Variants in SNX2 observed in about 807,000 individuals in gnomAD.
SNX2 encodes the protein sorting nexin-2.
SNX2 carries 25 observed loss-of-function variants against 69.9 expected under a neutral mutation model. The ratio of observed to expected loss-of-function variants is 0.36; its 90% CI spans 0.26 to 0.50. SNX2 has a LOEUF of 0.50. Ranked by LOEUF, SNX2 falls within the 20% of genes least tolerant of loss-of-function variation. The probability of loss-of-function intolerance (pLI) is 0.97; values close to 1 mark genes in which losing one functional copy is unlikely to be tolerated. For missense variants in SNX2, 551 were observed against 613.3 expected, an observed-to-expected ratio of 0.90 and a Z score of 1.07; for synonymous variants, 229 against 200.4, an observed-to-expected ratio of 1.14 and a Z score of -1.20.
chr5:122,808,387 C>G (rs779663326), intron 7 of SNX2, 32 bp downstream of exon 7: 3 of 1,387,296 alleles, frequency 2.2e-6, no homozygotes, highest in Non-Finnish European at 3.0e-6. Context: ...TTATTACTCT[C>G]ATGTTTGTAC....
At chr5:122,792,486 A>G (rs988004441) in intron 1 of SNX2, among the ~76,000 whole-genome samples, 4 of 152,038 alleles carry the variant, frequency 2.6e-5, no homozygotes, top group Admixed American at 1.3e-4. Context: ...GGTCCCGGCT[A>G]CTTGGGAGGC....
At chr5:122,776,399 T>C (rs1752857795) in intron 1 of SNX2, among the ~76,000 whole-genome samples, 1 of 152,086 alleles carries the variant, frequency 6.6e-6, no homozygotes. Context: ...CTGATCATCT[T>C]TGTGTCTCTC....
chr5:122,778,021 C>G (rs1320768120), intron 1 of SNX2, among the ~76,000 whole-genome samples: 1 of 152,220 alleles, frequency 6.6e-6, no homozygotes, highest in Non-Finnish European at 1.5e-5. Context: ...CTACTTTCTA[C>G]TTCTGTTAGA....
chr5:122,827,757 G>A, intron 14 of SNX2, 111 bp downstream of exon 14: 1 of 740,382 alleles, frequency 1.4e-6, no homozygotes, highest in East Asian at 2.7e-5. Context: ...AATAAGAAAT[G>A]GAAGACAGAA....
At chr5:122,817,758 T>A (rs1185130220) in intron 10 of SNX2, among the ~76,000 whole-genome samples, 1 of 152,090 alleles carries the variant, frequency 6.6e-6, no homozygotes, top group African/African-American at 2.4e-5. Context: ...ATAAAAAAAC[T>A]TGAGATTTGA....
chr5:122,784,629 A>G (rs1054939577), intron 1 of SNX2, among the ~76,000 whole-genome samples: 3 of 152,036 alleles, frequency 2.0e-5, no homozygotes, highest in South Asian at 2.1e-4. Context: ...TCCTTTTTAT[A>G]TATTGCTGGA....
intron 6 of SNX2, among the ~76,000 whole-genome samples, chr5:122,806,738 T>C (rs1036163238): frequency 6.6e-6 from 1 of 152,038 alleles, no homozygotes; most frequent in African/African-American, 2.4e-5. Flanking sequence ...TTCAGGGAAA[T>C]AGAGTTTGTG....
chr5:122,819,726 A>G (rs967381772), intron 11 of SNX2, among the ~76,000 whole-genome samples: 1 of 152,214 alleles, frequency 6.6e-6, no homozygotes, highest in Non-Finnish European at 1.5e-5. Context: ...ATTAGTTATC[A>G]TGGGGTTTGA....
intron 1 of SNX2, among the ~76,000 whole-genome samples, chr5:122,776,713 G>A (rs2149998617): frequency 6.6e-6 from 1 of 152,258 alleles, no homozygotes; most frequent in East Asian, 1.9e-4. Flanking sequence ...TTTTCTACCA[G>A]CGAGAATCAG....
At chr5:122,775,310 G>T (rs2276988) in intron 1 of SNX2, 99 bp downstream of exon 1, 178,716 of 1,456,152 alleles carry the variant, frequency 0.12, 12,949 homozygotes, top group East Asian at 0.35. Context: ...GTGTTTGCAA[G>T]GACCGTCTTG....
At chr5:122,809,991 C>G (rs907497400) in intron 7 of SNX2, among the ~76,000 whole-genome samples, 5 of 151,930 alleles carry the variant, frequency 3.3e-5, no homozygotes, top group African/African-American at 1.2e-4. Flanking sequence ...AAAGGTAAAT[C>G]GGATGGTTGC....
In SNX2 at chr5:122,775,199, C is replaced by T. The variant is rs1174214463; in HGVS notation, c.96C>T (p.Val32=). Residue 32 remains valine (V), a synonymous_variant, in exon 1 of 15, where the codon GTC becomes GTT. Coordinates refer to ENST00000379516, the MANE Select transcript of SNX2 (RefSeq NM_003100.4). ...GAGAGGACCTGTTCACCAGCACTGTCTCCACCCTAGAGGTGAGACCGCGTC... is the reference window on the plus strand; with the variant it reads ...GAGAGGACCTGTTCACCAGCACTGTTTCCACCCTAGAGGTGAGACCGCGTC... The part of the protein sequence containing the change: ...EDGEDLFTST[V]STLESSPSSP... 1.3e-6 allele frequency: 2 copies of T among 1,580,108 alleles called. No homozygotes were observed. The highest frequency in any genetic ancestry group is 1.2e-5 in the South Asian group (1 of 85,776).
intron 5 of SNX2, among the ~76,000 whole-genome samples, chr5:122,802,988 A>G (rs943961538): frequency 1.3e-5 from 2 of 152,192 alleles, no homozygotes; most frequent in African/African-American, 4.8e-5. Flanking sequence ...TTGTTAATTC[A>G]TTGGATAAAT....
At chr5:122,775,852 T>G (rs1215504306) in intron 1 of SNX2, 3 of 902,296 alleles carry the variant, frequency 3.3e-6, no homozygotes, top group Non-Finnish European at 4.0e-6. Context: ...GAAGGCAGGA[T>G]TAGTCCAGGA....
Position 122,799,853 on chromosome 5 carries a change from G to C in SNX2, c.388G>C (p.Glu130Gln). 1 of 1,607,742 alleles carries C rather than the reference G, an allele frequency of 6.2e-7. No individual in the cohort carries two copies. The highest frequency in any genetic ancestry group is 8.5e-7 in the Non-Finnish European group (1 of 1,176,366). The change falls in exon 3 of 15, where the codon GAG (glutamate) becomes CAG (glutamine). Residue 130 changes from glutamate to glutamine, a missense_variant and splice_region_variant. This residue lies in a region of SNX2 where 191 missense variants were observed against 162.9 expected (regional missense o/e 1.17). Coordinates refer to ENST00000379516, the MANE Select transcript of SNX2 (RefSeq NM_003100.4). The part of the protein sequence containing the change: ...APVIFDRSRE[E>Q]IEEEANGDIF... Reference sequence around the variant, plus strand: ...CGTGATCTTTGATAGATCCAGGGAAGAGGTACAGGAAAATGTATTCTAAAT... The same window carrying C: ...CGTGATCTTTGATAGATCCAGGGAACAGGTACAGGAAAATGTATTCTAAAT...
At chr5:122,821,674 C>G (rs758809297) in intron 11 of SNX2, among the ~76,000 whole-genome samples, 5 of 152,224 alleles carry the variant, frequency 3.3e-5, no homozygotes, top group Non-Finnish European at 5.9e-5. Context: ...CCAGGATGGT[C>G]TTGATCTCCT....
chr5:122,775,428 A>ACCTAATCCTC (rs1752834300), intron 1 of SNX2: 3 of 1,261,272 alleles, frequency 2.4e-6, no homozygotes, highest in Non-Finnish European at 3.0e-6. Flanking sequence ...GCGGGTGCCG[A>ACCTAATCCTC]CCTAATCCTC....
At chr5:122,787,807 C>T (rs1338203904) in intron 1 of SNX2, among the ~76,000 whole-genome samples, 4 of 151,990 alleles carry the variant, frequency 2.6e-5, no homozygotes, top group Non-Finnish European at 5.9e-5. Context: ...CTACGAGTAC[C>T]CAAGGTATTA....
At chr5:122,808,145 A>G in intron 6 of SNX2, 132 bp from the exon 7 acceptor site, 1 of 534,680 alleles carries the variant, frequency 1.9e-6, no homozygotes, top group Non-Finnish European at 3.3e-6. Context: ...TGCTTTTTAG[A>G]TAAGATACCA....
Sources: gnomAD v4.1 joint callset for allele counts (sites outside exome capture counted in the v4.1 genomes callset) on GRCh38, gnomAD v4.1.1 for gene constraint, gnomAD v4.1.1 regional missense constraint, MANE v1.5 for transcripts, NCBI Gene and HGNC (gene_info 2026-07-23, HGNC 2026-07-21) for gene names.